DPP6: variants seen among roughly 807,000 people sequenced by gnomAD.
DPP6 encodes the protein A-type potassium channel modulatory protein DPP6.
A neutral mutation model predicts 122.6 loss-of-function variants in DPP6; 69 were observed. The observed-to-expected ratio is 0.56, with a 90% CI of 0.46 to 0.69. DPP6 has a LOEUF of 0.69. DPP6 is among the 30% of genes least tolerant of loss of function. The pLI is 0.00. For missense variants in DPP6, 928 were observed against 1,116.9 expected, an observed-to-expected ratio of 0.83 and a Z score of 2.41; for synonymous variants, 418 against 433.1, an observed-to-expected ratio of 0.97 and a Z score of 0.43.
chr7:154,421,903 T>C (rs1016945640), intron 1 of DPP6, among the ~76,000 whole-genome samples: 1 of 152,182 alleles, frequency 6.6e-6, no homozygotes, highest in African/African-American at 2.4e-5. Flanking sequence ...ATTTAATGAT[T>C]GAAAAGCATC....
chr7:154,654,984 C>T (rs1837145789), intron 6 of DPP6, among the ~76,000 whole-genome samples: 1 of 152,122 alleles, frequency 6.6e-6, no homozygotes, highest in South Asian at 2.1e-4. Context: ...ACTTATTAAT[C>T]CACCCATCCA....
chr7:154,751,524 C>T (rs374289888), intron 8 of DPP6, among the ~76,000 whole-genome samples: 5 of 149,844 alleles, frequency 3.3e-5, no homozygotes, highest in Non-Finnish European at 5.9e-5. Flanking sequence ...GTGGAAGAAT[C>T]GCTTGAACCC....
At position 154,523,792 on chromosome 7, in the gene DPP6, A is replaced by G. The variant is rs193057430; in HGVS notation, c.458-16740A>G. ...TTTCACAGGTTTATCTATAATGTCT[A>G]CTTGTCCCATGATTGGTGATTCGAA... On this transcript the variant is annotated intron_variant, in intron 3 of 25. Transcript: ENST00000377770. Among the ~76,000 whole-genome samples, 74 of 152,274 alleles carry G rather than the reference A, an allele frequency of 4.9e-4. 1 individual carries two copies. Among genetic ancestry groups the G allele is most frequent in the African/African-American group, 1.7e-3 (71 of 41,562 alleles).
At chr7:154,855,961 C>CA (rs1802797336) in intron 17 of DPP6, among the ~76,000 whole-genome samples, 1 of 152,032 alleles carries the variant, frequency 6.6e-6, no homozygotes. Flanking sequence ...ATAAGGTGTC[C>CA]AATGGAGCTC....
At chr7:154,544,519 A>G (rs1829005554) in intron 4 of DPP6, among the ~76,000 whole-genome samples, 1 of 152,168 alleles carries the variant, frequency 6.6e-6, no homozygotes, top group South Asian at 2.1e-4. Flanking sequence ...TTTATGAATG[A>G]CCGCTCTAGA....
At chr7:154,735,382 A>G (rs761265724) in intron 8 of DPP6, among the ~76,000 whole-genome samples, 14 of 152,222 alleles carry the variant, frequency 9.2e-5, no homozygotes, top group Non-Finnish European at 2.1e-4. Flanking sequence ...CACTTCATCT[A>G]TGACTTCTAA....
At chr7:153,982,756 T>C (rs1796652050) in intron 1 of DPP6, among the ~76,000 whole-genome samples, 2 of 152,242 alleles carry the variant, frequency 1.3e-5, no homozygotes, top group African/African-American at 4.8e-5. Context: ...TTTATGTCGA[T>C]GCTATTCCTT....
intron 1 of DPP6, among the ~76,000 whole-genome samples, chr7:154,119,555 A>G (rs62487176): frequency 0.27 from 41,004 of 150,244 alleles, 6,033 homozygotes; most frequent in East Asian, 0.51. Context: ...AACAATGGTG[A>G]GGCTGTTGAC....
intron 1 of DPP6, among the ~76,000 whole-genome samples, chr7:154,184,712 T>C (rs1175210597): frequency 2.0e-5 from 3 of 149,914 alleles, no homozygotes; most frequent in Admixed American, 1.3e-4. Context: ...TGACCTGCAG[T>C]CTGAGATATG....
At chr7:154,410,172 C>T (rs902072073) in intron 1 of DPP6, among the ~76,000 whole-genome samples, 3 of 152,144 alleles carry the variant, frequency 2.0e-5, no homozygotes, top group Non-Finnish European at 4.4e-5. Flanking sequence ...CAATAAGATA[C>T]GTGGAAACAG....
chr7:154,214,630 A>G (rs1393428769), intron 1 of DPP6, among the ~76,000 whole-genome samples: 1 of 152,156 alleles, frequency 6.6e-6, no homozygotes, highest in Non-Finnish European at 1.5e-5. Context: ...AAAAATATGT[A>G]TCTTCACTGG....
intron 1 of DPP6, chr7:153,887,756 C>G (rs1479676890): frequency 6.2e-7 from 1 of 1,611,590 alleles, no homozygotes; most frequent in Admixed American, 1.7e-5. Context: ...GGACAGGGCG[C>G]GCGCTGGGTC....
chr7:153,977,511 A>T lies in DPP6; in HGVS notation c.51+89777A>T, dbSNP rs561694244. On this transcript the variant is annotated intron_variant, in intron 1 of 25. Transcript: ENST00000404039. ...CTTATGAGAAGTACCCGAGCTGTTT[A>T]TCTTTCTTTCTCCAGGCCCCAGCCT... Among the ~76,000 whole-genome samples, 6 of 152,196 alleles carry T rather than the reference A, an allele frequency of 3.9e-5. No individual in the cohort carries two copies. In the South Asian group the frequency reaches 8.3e-4, roughly 21 times the overall value.
intron 3 of DPP6, among the ~76,000 whole-genome samples, chr7:154,530,198 A>C (rs922498518): frequency 1.1e-4 from 16 of 152,144 alleles, no homozygotes; most frequent in Non-Finnish European, 2.1e-4. Context: ...ATTTGTTTTT[A>C]GTGCGTCAGA....
intron 8 of DPP6, among the ~76,000 whole-genome samples, chr7:154,756,238 G>A (rs938802256): frequency 6.6e-6 from 1 of 152,180 alleles, no homozygotes; most frequent in Non-Finnish European, 1.5e-5. Flanking sequence ...CCAGGCCCCA[G>A]GTCAGAAGGC....
Position 154,241,236 on chromosome 7 carries a change from G to T in DPP6, c.243+188173G>T, listed in dbSNP as rs968919230. On this transcript the variant is annotated intron_variant, in intron 1 of 25. Transcript: ENST00000377770. This position sits in a 1 kb window ranked among gnomAD's most constrained non-coding sequence, Gnocchi z 9.0. ...GTGTGTGTGTATATATATATAGAGA[G>T]AGAGAGAGACACTTTTATCCATTTA... Among the ~76,000 whole-genome samples, 15 of 138,500 alleles carry T rather than the reference G, an allele frequency of 1.1e-4. No individual in the cohort carries two copies. The highest frequency in any genetic ancestry group is 3.0e-4 in the Admixed American group (4 of 13,330). The allele number at this position is 138,500 out of a possible 152,430, so 90.9% of individuals were successfully genotyped here.
chr7:154,544,112 A>AAT (rs1361339286), intron 4 of DPP6, among the ~76,000 whole-genome samples: 1 of 147,780 alleles, frequency 6.8e-6, no homozygotes, highest in African/African-American at 2.5e-5. Context: ...ATATAAAACA[A>AAT]ATATATATAC....
chr7:154,724,639 C>T (rs922001201), intron 7 of DPP6, among the ~76,000 whole-genome samples: 25 of 152,172 alleles, frequency 1.6e-4, no homozygotes, highest in Non-Finnish European at 2.9e-4. Context: ...TCCAGACCCT[C>T]CAGGAGCTGG....
At chr7:154,654,973 C>CACT (rs1359382726) in intron 6 of DPP6, among the ~76,000 whole-genome samples, 1 of 152,056 alleles carries the variant, frequency 6.6e-6, no homozygotes, top group East Asian at 1.9e-4. Context: ...AGACTAGACC[C>CACT]ACTTATTAAT....
Sources: gnomAD v4.1 joint callset for allele counts (sites outside exome capture counted in the v4.1 genomes callset) on GRCh38, gnomAD v4.1.1 for gene constraint, Gnocchi (gnomAD v3.1) non-coding constraint, MANE v1.5 for transcripts, NCBI Gene and HGNC (gene_info 2026-07-23, HGNC 2026-07-21) for gene names.